Variants in PTPRD observed in about 807,000 individuals in gnomAD.
PTPRD encodes protein tyrosine phosphatase receptor type D.
Under a neutral mutation model 214.5 loss-of-function variants are expected in PTPRD, and 34 were observed. The ratio of observed to expected loss-of-function variants is 0.16; its 90% confidence interval spans 0.12 to 0.21. The LOEUF is 0.21. Among genes scored for constraint, PTPRD ranks in the 10% least tolerant of loss-of-function variants. The pLI, the probability that PTPRD is intolerant of heterozygous loss-of-function variation, is 1.00. For synonymous variants in PTPRD, 1,128 were observed against 845.7 expected, an observed-to-expected ratio of 1.33 and a Z score of -5.79; for missense variants, 2,545 against 2,398.7, an observed-to-expected ratio of 1.06 and a Z score of -1.27.
chr9:8,734,976 C>G (rs941300859), intron 11 of PTPRD, among the ~76,000 whole-genome samples: 1 of 152,054 alleles, frequency 6.6e-6, no homozygotes, highest in Non-Finnish European at 1.5e-5. Flanking sequence ...TTTGGAAAAC[C>G]TGAGTTTCCT....
intron 11 of PTPRD, chr9:8,860,513 CTG>C (rs1206647857): frequency 2.6e-5 from 4 of 152,164 alleles, no homozygotes; most frequent in African/African-American, 9.7e-5. Flanking sequence ...ACCAATGAGA[CTG>C]AGAATTATTC....
chr9:8,352,620 C>A (rs1401370700), intron 39 of PTPRD, among the ~76,000 whole-genome samples: 1 of 152,078 alleles, frequency 6.6e-6, no homozygotes, highest in East Asian at 1.9e-4. Context: ...ACACAGCAGG[C>A]TTGTCATTAG....
At chr9:10,463,108 T>C (rs1468405847) in intron 2 of PTPRD, among the ~76,000 whole-genome samples, 1 of 151,946 alleles carries the variant, frequency 6.6e-6, no homozygotes. Context: ...ATGCCTACTA[T>C]ATGTTGAGTT....
intron 11 of PTPRD, among the ~76,000 whole-genome samples, chr9:8,932,561 T>C (rs1441505184): frequency 6.6e-6 from 1 of 152,216 alleles, no homozygotes; most frequent in Non-Finnish European, 1.5e-5. Flanking sequence ...CTTTCAGAGA[T>C]GGCCTGCCCA....
rs569704598 is a variant in PTPRD at position 9,792,259 on chromosome 9, G to A, written c.-367-25408C>T. On this transcript the variant is annotated intron_variant, in intron 5 of 45. Coordinates refer to ENST00000381196, the MANE Select transcript of PTPRD (RefSeq NM_002839.4). Reference sequence around the variant, plus strand: ...ATATTAGTACTGCATGTTATTTAATGCTGTTTCAGGTAGCACTGAACCACT... The same window carrying A: ...ATATTAGTACTGCATGTTATTTAATACTGTTTCAGGTAGCACTGAACCACT... Among the ~76,000 whole-genome samples, 59 of 151,846 alleles carry A rather than the reference G, an allele frequency of 3.9e-4. 2 individuals are homozygous for A. The South Asian group carries it at 0.012, about 31-fold the overall frequency.
chr9:10,304,621 G>C (rs2095993834), intron 3 of PTPRD, among the ~76,000 whole-genome samples: 1 of 150,852 alleles, frequency 6.6e-6, no homozygotes, highest in African/African-American at 2.4e-5. Flanking sequence ...ACAAATAATA[G>C]ACAGAGATTC....
intron 2 of PTPRD, among the ~76,000 whole-genome samples, chr9:10,454,515 A>G (rs547830493): frequency 6.6e-6 from 1 of 151,804 alleles, no homozygotes. Context: ...CATCCTCACT[A>G]TTGTAACTCA....
chr9:9,871,963 C>G (rs978148317), intron 5 of PTPRD, among the ~76,000 whole-genome samples: 2 of 152,130 alleles, frequency 1.3e-5, no homozygotes, highest in African/African-American at 4.8e-5. Context: ...ACTAAACACT[C>G]TACATGTATA....
chr9:9,725,984 C>T (rs1438948394), intron 7 of PTPRD, among the ~76,000 whole-genome samples: 3 of 151,976 alleles, frequency 2.0e-5, no homozygotes, highest in African/African-American at 4.8e-5. Flanking sequence ...ACCAAGCCAG[C>T]GTTAGGGGTA....
chr9:9,843,137 C>T (rs1453068696), intron 5 of PTPRD, among the ~76,000 whole-genome samples: 1 of 151,974 alleles, frequency 6.6e-6, no homozygotes, highest in African/African-American at 2.4e-5. Flanking sequence ...CAACAGAAAC[C>T]TTATGGCTTC....
chr9:8,783,673 C>A (rs1197430009), intron 11 of PTPRD, among the ~76,000 whole-genome samples: 1 of 152,142 alleles, frequency 6.6e-6, no homozygotes, highest in Non-Finnish European at 1.5e-5. Context: ...GTGGCCACTG[C>A]TTTGGTTTCC....
chr9:10,311,928 CTTT>C (rs997457416), intron 3 of PTPRD, among the ~76,000 whole-genome samples: 1 of 151,412 alleles, frequency 6.6e-6, no homozygotes, highest in Non-Finnish European at 1.5e-5. Flanking sequence ...TTATTTACCA[CTTT>C]TTTTTTCTCT....
chr9:8,517,854 T>C lies in PTPRD; in HGVS notation c.1537A>G (p.Thr513Ala), dbSNP rs777285092. The stretch of plus-strand genomic sequence containing the variant: ...CCTCCTCAACCAAACTTACCTCCTG[T>C]CTGAGTGATGACTTGTATGTCACTT... Reference protein sequence around the residue: ...LSSDIQVITQTGVPGQPLNFK... With the variant: ...LSSDIQVITQAGVPGQPLNFK... The change falls in exon 21 of 46, where the codon ACA (threonine) becomes GCA (alanine). Residue 513 changes from threonine to alanine, a missense_variant. Thr to Ala is a moderately conservative substitution (Grantham distance 58). Transcript: ENST00000381196. 2 of 1,612,284 alleles carry C rather than the reference T, an allele frequency of 1.2e-6. No individual in the cohort carries two copies. Among genetic ancestry groups the C allele is most frequent in the Non-Finnish European group, 8.5e-7 (1 of 1,178,866 alleles).
At chr9:9,079,844 T>C (rs1052388656) in intron 10 of PTPRD, among the ~76,000 whole-genome samples, 2 of 152,056 alleles carry the variant, frequency 1.3e-5, no homozygotes, top group African/African-American at 4.8e-5. Flanking sequence ...TAAGGAGAGC[T>C]AGGATTTCAT....
At chr9:9,080,498 A>G (rs1378560643) in intron 10 of PTPRD, among the ~76,000 whole-genome samples, 3 of 152,066 alleles carry the variant, frequency 2.0e-5, no homozygotes, top group African/African-American at 7.2e-5. Context: ...CTATCATCTT[A>G]TTATCCTCTT....
intron 2 of PTPRD, among the ~76,000 whole-genome samples, chr9:10,367,588 AAAGT>A (rs1162214168): frequency 6.6e-6 from 1 of 152,184 alleles, no homozygotes; most frequent in Non-Finnish European, 1.5e-5. Context: ...AATGATTGTA[AAAGT>A]AAAAAGAATT....
At chr9:9,239,197 T>C (rs2099969000) in intron 9 of PTPRD, among the ~76,000 whole-genome samples, 1 of 139,356 alleles carries the variant, frequency 7.2e-6, no homozygotes, top group African/African-American at 2.6e-5. Context: ...GATGACTGTC[T>C]GAAAAAAAAA....
chr9:10,074,526 T>G (rs2098097538), intron 3 of PTPRD, among the ~76,000 whole-genome samples: 1 of 152,160 alleles, frequency 6.6e-6, no homozygotes, highest in Admixed American at 6.6e-5. Context: ...GAGGATCTGA[T>G]TAATGTTTTG....
chr9:9,337,645 C>G (rs570053381), intron 9 of PTPRD, among the ~76,000 whole-genome samples: 1 of 152,146 alleles, frequency 6.6e-6, no homozygotes, highest in Non-Finnish European at 1.5e-5. Flanking sequence ...AATTTGAAGG[C>G]CAAGACTTGT....
Sources: allele counts gnomAD v4.1 joint callset (sites outside exome capture counted in the v4.1 genomes callset), GRCh38; gene constraint gnomAD v4.1.1; transcripts MANE v1.5; gene names NCBI Gene and HGNC (gene_info 2026-07-23, HGNC 2026-07-21).